Variants in NCOR2 observed in about 807,000 individuals in gnomAD.
NCOR2 encodes nuclear receptor corepressor 2, also known as CTG repeat protein 26.
A neutral mutation model predicts 262.9 loss-of-function variants in NCOR2; 81 were observed. That is an observed-to-expected ratio of 0.31 (90% confidence interval 0.26 to 0.37). The LOEUF is 0.37. Among genes scored for constraint, NCOR2 ranks in the 10% least tolerant of loss-of-function variants. NCOR2 has a pLI of 1.00. For synonymous variants in NCOR2, 1,659 were observed against 1,559.3 expected (o/e 1.06, Z -1.51); for missense variants, 3,385 against 3,621.4 (o/e 0.93, Z 1.68).
At chr12:124,560,135 C>T (rs2052020422) in intron 1 of NCOR2, among the ~76,000 whole-genome samples, 1 of 152,218 alleles carries the variant, frequency 6.6e-6, no homozygotes, top group Non-Finnish European at 1.5e-5. Context: ...GTTTCCTCAA[C>T]AGGGAAACCG....
At chr12:124,358,279 ATG>A (rs1319860597) in intron 22 of NCOR2, among the ~76,000 whole-genome samples, 8 of 136,994 alleles carry the variant, frequency 5.8e-5, no homozygotes, top group South Asian at 4.6e-4. Flanking sequence ...GTAACCTGTG[ATG>A]TGTGTATGTG....
chr12:124,446,262 G>T (rs528001511), intron 7 of NCOR2, among the ~76,000 whole-genome samples: 2 of 152,250 alleles, frequency 1.3e-5, no homozygotes, highest in South Asian at 4.1e-4. Flanking sequence ...TCCTGCAGGG[G>T]CCTTCCCATG....
At chr12:124,528,068 C>A (rs774529820) in intron 1 of NCOR2, among the ~76,000 whole-genome samples, 1 of 152,152 alleles carries the variant, frequency 6.6e-6, no homozygotes, top group Admixed American at 6.5e-5. Flanking sequence ...GCGGAACAGA[C>A]GTCATCCCTT....
chr12:124,495,067 A>T lies in NCOR2; in HGVS notation c.105+80T>A. The T allele has an allele frequency of 6.6e-7, 1 of 1,525,872 alleles. No homozygotes were observed. The highest frequency in any genetic ancestry group is 8.9e-7 in the Non-Finnish European group (1 of 1,128,050). The allele number at this position is 1,525,872 out of a possible 1,614,324, so 94.5% of individuals were successfully genotyped here. A position where few individuals can be genotyped will look rare whatever the true frequency, so the allele number is the denominator to read the frequency against. ...GCCACATGAGCCTGGCTCCCAGGAG[A>T]AAGGAAGGGGTGAAGACTCAGTGGA... On this transcript the variant is annotated intron_variant, in intron 1 of 46. Coordinates refer to ENST00000405201, the Ensembl canonical transcript of NCOR2. The surrounding 1 kb of genome is among the most constrained non-coding windows in gnomAD (Gnocchi z 4.4).
At chr12:124,388,865 TGAGGGAGGGAGGGAGGGAGGGAGGGAGG>T in intron 16 of NCOR2, 1 of 378,978 alleles carries the variant, frequency 2.6e-6, no homozygotes, top group Non-Finnish European at 4.0e-6. Context: ...CGTCCCACGG[TGAGGGAGGGAGGGAGGGAGGGAGGGAGG>T]GAGCGAGGGA....
chr12:124,456,842 C>T (rs1345749856), intron 6 of NCOR2, among the ~76,000 whole-genome samples: 1 of 152,210 alleles, frequency 6.6e-6, no homozygotes, highest in South Asian at 2.1e-4. Flanking sequence ...CCGGGCTTCA[C>T]GGTATGCACA....
intron 7 of NCOR2, among the ~76,000 whole-genome samples, chr12:124,442,194 A>G (rs1459254087): frequency 6.6e-6 from 1 of 152,090 alleles, no homozygotes; most frequent in Non-Finnish European, 1.5e-5. Context: ...CCCAGGCGGG[A>G]GTGCAGTGGC....
chr12:124,472,821 G>T, intron 4 of NCOR2, 131 bp downstream of exon 6: 1 of 1,209,564 alleles, frequency 8.3e-7, no homozygotes, highest in Non-Finnish European at 1.2e-6. Flanking sequence ...TCCAATAAAC[G>T]TAAAGGGCAT....
In NCOR2 at chr12:124,385,942, G is replaced by A. The variant is rs545052762; in HGVS notation, c.1877-55C>T. ...AGGCCAGGCCCGGCACGCAGAGGGG[G>A]CCTGCATCCATGGCCTGGGCGGCAA... On this transcript the variant is annotated intron_variant, in intron 16 of 46. Coordinates refer to ENST00000405201, the Ensembl canonical transcript of NCOR2. 83 of 1,578,818 alleles carry A rather than the reference G, an allele frequency of 5.3e-5. No individual in the cohort carries two copies. In the African/African-American group the frequency reaches 1.0e-3, roughly 19 times the overall value.
upstream of NCOR2, chr12:124,538,851 G>A (rs1178839677): frequency 6.6e-6 from 1 of 152,284 alleles, no homozygotes; most frequent in African/African-American, 2.4e-5. Flanking sequence ...GAAGGAGAGG[G>A]TGACAACATC....
chr12:124,327,228 C>T (rs2034748237), intron 45 of NCOR2, among the ~76,000 whole-genome samples, 181 bp downstream of exon 47: 2 of 151,960 alleles, frequency 1.3e-5, no homozygotes, highest in African/African-American at 4.8e-5. Flanking sequence ...GGTACAGACA[C>T]TTGGGGGGTG....
intron 41 of NCOR2, 129 bp downstream of exon 43, chr12:124,334,295 T>C: frequency 1.6e-6 from 1 of 620,726 alleles, no homozygotes; most frequent in Non-Finnish European, 2.7e-6. Context: ...GGAGCCTCCA[T>C]TTCTTGCCTG....
exon 15 of NCOR2, chr12:124,400,621 C>A: frequency 6.2e-7 from 1 of 1,614,202 alleles, no homozygotes; most frequent in Non-Finnish European, 8.5e-7. Context: ...CCTTTGGAGG[C>A]CACAGCCTCC....
chr12:124,396,978 G>A (rs576755072), intron 16 of NCOR2, among the ~76,000 whole-genome samples: 180 of 152,330 alleles, frequency 1.2e-3, no homozygotes, highest in African/African-American at 4.0e-3. Context: ...GCAGGGCCAC[G>A]GGACCAAGCA....
chr12:124,429,838 G>A (rs1344160227), intron 9 of NCOR2, 132 bp from the exon 12 acceptor site: 6 of 846,374 alleles, frequency 7.1e-6, no homozygotes, highest in Non-Finnish European at 9.1e-6. Flanking sequence ...AGAGGGGCCG[G>A]CCCCACACCC....
chr12:124,416,647 GGCACAGGGAGACCCCACA>G (rs1484783834), intron 13 of NCOR2, among the ~76,000 whole-genome samples: 95 of 141,796 alleles, frequency 6.7e-4, no homozygotes, highest in South Asian at 3.7e-3. Context: ...ATAGACCCGT[GGCACAGGGAGACCCCACA>G]GCACAGGGAG....
At position 124,372,503 on chromosome 12, in the gene NCOR2, C is replaced by G; in HGVS notation, c.2326G>C (p.Asp776His). 3 of 1,585,822 alleles carry G rather than the reference C, an allele frequency of 1.9e-6. No individual in the cohort carries two copies. The South Asian group carries it at 3.3e-5, about 18-fold the overall frequency. ...GTGGGTGGCCCTGGGGGTGGCCCGT[C>G]GGCGCCCAGGGTGGCTGGGGGCTTG... The change falls in exon 20 of 47, where the codon GAC becomes CAC. Residue 776 changes from aspartate (D) to histidine (H), a missense_variant. This residue lies in a region of NCOR2 where 1,615 missense variants were observed against 1,626.9 expected (regional missense o/e 0.99). Coordinates refer to ENST00000405201, the Ensembl canonical transcript of NCOR2.
chr12:124,484,718 G>T (rs1234115364), intron 2 of NCOR2, among the ~76,000 whole-genome samples: 1 of 152,086 alleles, frequency 6.6e-6, no homozygotes, highest in East Asian at 1.9e-4. Context: ...GCGCCTCCTT[G>T]TCCCAGGCCA....
chr12:124,433,131 G>A (rs941757804), intron 8 of NCOR2, among the ~76,000 whole-genome samples: 100 of 152,308 alleles, frequency 6.6e-4, no homozygotes, highest in African/African-American at 2.4e-3. Flanking sequence ...CGGTCCCCAC[G>A]AGGTGGCCAG....
Sources: gnomAD v4.1 joint callset for allele counts (sites outside exome capture counted in the v4.1 genomes callset) on GRCh38, gnomAD v4.1.1 for gene constraint, gnomAD v4.1.1 regional missense constraint, Gnocchi (gnomAD v3.1) non-coding constraint, MANE v1.5 for transcripts, NCBI Gene and HGNC (gene_info 2026-07-23, HGNC 2026-07-21) for gene names.